Variants in PHACTR1 observed in about 807,000 individuals in gnomAD.
The protein encoded by PHACTR1 is RPEL repeat containing 1.
In PHACTR1, 16 loss-of-function variants were observed where a neutral mutation model predicts 69.2. That is an observed-to-expected ratio of 0.23 (90% CI 0.16 to 0.35). The LOEUF is 0.35. Ranked by LOEUF, PHACTR1 falls within the 10% of genes least tolerant of loss-of-function variation. The probability of loss-of-function intolerance (pLI) is 1.00; values close to 1 mark genes in which losing one functional copy is unlikely to be tolerated. For missense variants in PHACTR1, 510 were observed against 734.7 expected, an observed-to-expected ratio of 0.69 and a Z score of 3.54; for synonymous variants, 312 against 284.5, an observed-to-expected ratio of 1.10 and a Z score of -0.97.
rs772856044 is a variant in PHACTR1, at chr6:12,805,585, CTCTG to C, written c.250+55799_250+55802del. 1.6e-3 allele frequency among the ~76,000 whole-genome samples: 238 copies of C among 151,736 alleles called. 3 individuals carry two copies. Among genetic ancestry groups the C allele is most frequent in the African/African-American group, 5.5e-3 (227 of 41,372 alleles). On this transcript the variant is annotated intron_variant, in intron 4 of 14. Coordinates refer to ENST00000332995, the MANE Select transcript of PHACTR1 (RefSeq NM_030948.6). ...ATGGCTTCTTTCTTTCTTTCTCTCT[CTCTG>C]TCTCTCTTTCTTTCTTTCTTTCTTT...
chr6:12,740,127 T>A (rs978486858), intron 3 of PHACTR1, among the ~76,000 whole-genome samples: 1 of 152,244 alleles, frequency 6.6e-6, no homozygotes, highest in Non-Finnish European at 1.5e-5. Flanking sequence ...CGACATCATA[T>A]CTAAGAGATT....
chr6:12,905,256 A>C (rs1456604109), intron 4 of PHACTR1, among the ~76,000 whole-genome samples: 4 of 152,202 alleles, frequency 2.6e-5, no homozygotes, highest in African/African-American at 9.7e-5. Context: ...AGGAAGTCAA[A>C]GGTTTGGTGG....
chr6:13,175,815 G>C (rs1400224311), intron 6 of PHACTR1, among the ~76,000 whole-genome samples: 1 of 152,136 alleles, frequency 6.6e-6, no homozygotes, highest in Non-Finnish European at 1.5e-5. Context: ...ATGGGAGATC[G>C]AAGTAGGGGA....
chr6:12,979,721 C>T (rs1795286203), intron 4 of PHACTR1, among the ~76,000 whole-genome samples: 1 of 150,500 alleles, frequency 6.6e-6, no homozygotes, highest in Non-Finnish European at 1.5e-5. Context: ...GAAAATGACC[C>T]CCTCCTCCAA....
chr6:12,738,477 C>T (rs981532962), intron 3 of PHACTR1, among the ~76,000 whole-genome samples: 1 of 152,190 alleles, frequency 6.6e-6, no homozygotes, highest in African/African-American at 2.4e-5. Context: ...TCAGTTCGTG[C>T]TTGATCTTTA....
chr6:12,737,418 C>G (rs1455891821), intron 3 of PHACTR1, among the ~76,000 whole-genome samples: 1 of 151,620 alleles, frequency 6.6e-6, no homozygotes, highest in Non-Finnish European at 1.5e-5. Flanking sequence ...CACACACACA[C>G]ACGCATGCAC....
chr6:12,935,495 C>T (rs779001914), intron 4 of PHACTR1, among the ~76,000 whole-genome samples: 8 of 152,160 alleles, frequency 5.3e-5, no homozygotes, highest in Non-Finnish European at 1.2e-4. Flanking sequence ...CTGCCTGCCT[C>T]GGCCTCCCAA....
intron 4 of PHACTR1, among the ~76,000 whole-genome samples, chr6:12,921,805 A>AGAGAAT: frequency 1.0e-4 from 1 of 9,752 alleles, no homozygotes; most frequent in African/African-American, 2.8e-4. Context: ...GAAGGAAGGG[A>AGAGAAT]GGGAGGGAGC....
At chr6:13,146,989 C>T (rs984048191) in intron 5 of PHACTR1, among the ~76,000 whole-genome samples, 8 of 152,222 alleles carry the variant, frequency 5.3e-5, no homozygotes, top group African/African-American at 1.9e-4. Flanking sequence ...TTGTGTCTAA[C>T]ATCAACACTT....
intron 5 of PHACTR1, among the ~76,000 whole-genome samples, chr6:13,064,556 A>C (rs1808217628): frequency 5.3e-4 from 1 of 1,876 alleles, no homozygotes; most frequent in Non-Finnish European, 1.5e-3. Context: ...AGATATATAT[A>C]TATATATATA....
intron 4 of PHACTR1, among the ~76,000 whole-genome samples, chr6:12,864,889 A>G (rs1781304403): frequency 1.3e-5 from 2 of 152,152 alleles, no homozygotes; most frequent in Non-Finnish European, 2.9e-5. Context: ...ACAGCCCGGC[A>G]TTTATAATCC....
intron 4 of PHACTR1, 81 bp from the exon 5 acceptor site, chr6:13,053,284 A>G: frequency 7.4e-7 from 1 of 1,359,726 alleles, no homozygotes; most frequent in Non-Finnish European, 9.9e-7. Context: ...GTAACCATGG[A>G]AAACGTTGGC....
Position 13,102,230 on chromosome 6 carries a change from G to A in PHACTR1, c.415+48701G>A, listed in dbSNP as rs987970315. On this transcript the variant is annotated intron_variant, in intron 5 of 14. Transcript: ENST00000332995. ...CCCCATGGAAGGAACTATTGATTGG[G>A]CTGGAGGAAAAACAAGTACAATCAA... Among the ~76,000 whole-genome samples the A allele has an allele frequency of 3.3e-5, 5 of 152,162 alleles. No homozygotes were observed. The East Asian group carries it at 9.6e-4, about 29-fold the overall frequency.
chr6:13,257,376 G>T (rs1342663596), intron 10 of PHACTR1, among the ~76,000 whole-genome samples: 1 of 152,070 alleles, frequency 6.6e-6, no homozygotes, highest in Non-Finnish European at 1.5e-5. Context: ...ATTTGGGTGG[G>T]GACACAGATC....
intron 4 of PHACTR1, among the ~76,000 whole-genome samples, chr6:12,754,737 A>G (rs1321014701): frequency 6.6e-6 from 1 of 152,240 alleles, no homozygotes; most frequent in Admixed American, 6.5e-5. Flanking sequence ...GGGATGGGAC[A>G]TATTTTTAAA....
chr6:12,796,069 T>A (rs889789016), intron 4 of PHACTR1, among the ~76,000 whole-genome samples: 1 of 152,192 alleles, frequency 6.6e-6, no homozygotes, highest in African/African-American at 2.4e-5. Flanking sequence ...GAAATTGTTT[T>A]ATTTTTTTCT....
chr6:13,101,084 C>T (rs1284927725), intron 5 of PHACTR1, among the ~76,000 whole-genome samples: 2 of 152,142 alleles, frequency 1.3e-5, no homozygotes, highest in East Asian at 1.9e-4. Context: ...TAACAGAATA[C>T]CAGAATACCA....
intron 5 of PHACTR1, among the ~76,000 whole-genome samples, chr6:13,058,852 G>A (rs572882131): frequency 6.6e-6 from 1 of 152,270 alleles, no homozygotes; most frequent in African/African-American, 2.4e-5. Context: ...AGAGCTGAGT[G>A]TCGTGCGGGT....
intron 11 of PHACTR1, among the ~76,000 whole-genome samples, chr6:13,276,636 G>C (rs1013192316): frequency 7.9e-5 from 12 of 152,152 alleles, no homozygotes; most frequent in African/African-American, 2.4e-4. Flanking sequence ...GCTGGGTGTG[G>C]TGGTGGGCAC....
Sources: gnomAD v4.1 joint callset for allele counts (sites outside exome capture counted in the v4.1 genomes callset) on GRCh38, gnomAD v4.1.1 for gene constraint, MANE v1.5 for transcripts, NCBI Gene and HGNC (gene_info 2026-07-23, HGNC 2026-07-21) for gene names.